DDHD1: variants seen among roughly 807,000 people sequenced by gnomAD.
DDHD1 encodes the protein DDHD domain containing 1.
Under a neutral mutation model 96.4 loss-of-function variants are expected in DDHD1, and 49 were observed. The observed-to-expected ratio is 0.51, with a 90% CI of 0.40 to 0.64. The LOEUF is 0.64. Ranked by LOEUF, DDHD1 falls within the 30% of genes least tolerant of loss-of-function variation. The probability of loss-of-function intolerance (pLI) is 0.00; values close to 1 mark genes in which losing one functional copy is unlikely to be tolerated. For missense variants in DDHD1, 1,106 were observed against 1,161.2 expected (o/e 0.95, Z 0.69); for synonymous variants, 442 against 446.5 (o/e 0.99, Z 0.13).
intron 1 of DDHD1, among the ~76,000 whole-genome samples, chr14:53,134,102 C>T (rs987379278): frequency 6.6e-6 from 1 of 152,120 alleles, no homozygotes; most frequent in African/African-American, 2.4e-5. Context: ...TAGGTCTATT[C>T]GTCCTTACCC....
chr14:53,096,751 T>C (rs1001850712), intron 2 of DDHD1, among the ~76,000 whole-genome samples: 2 of 151,962 alleles, frequency 1.3e-5, no homozygotes, highest in Non-Finnish European at 2.9e-5. Flanking sequence ...AATTCTTTTC[T>C]CAACTCCATT....
intron 2 of DDHD1, among the ~76,000 whole-genome samples, chr14:53,095,266 T>C (rs1167621917): frequency 1.3e-5 from 2 of 152,178 alleles, no homozygotes. Flanking sequence ...AAATATTATC[T>C]CCCATTTTAC....
intron 1 of DDHD1, among the ~76,000 whole-genome samples, chr14:53,150,253 C>G (rs1595280511): frequency 6.6e-6 from 1 of 152,310 alleles, no homozygotes; most frequent in East Asian, 1.9e-4. Context: ...TCATTAAATT[C>G]ATCCTGTAAG....
rs755730498 is a variant in DDHD1, at chr14:53,044,646, A to G, written c.*2122T>C. 1.3e-5 allele frequency: 2 copies of G among 152,250 alleles called. No individual in the cohort carries two copies. The highest frequency in any genetic ancestry group is 2.9e-5 in the Non-Finnish European group (2 of 68,046). 9.4% of individuals were successfully genotyped at this position (152,250 alleles called of 1,614,324 possible). A position where few individuals can be genotyped will look rare whatever the true frequency, so the allele number is the denominator to read the frequency against. On this transcript the variant is annotated 3_prime_UTR_variant, in exon 13 of 13. Transcript: ENST00000673822. ...GGAATCTCTAAGTTAGAGATAATTTAGCTTTGCTAAGATTTCATCAAAAGC... is the reference window on the plus strand; with the variant it reads ...GGAATCTCTAAGTTAGAGATAATTTGGCTTTGCTAAGATTTCATCAAAAGC...
At chr14:53,122,582 G>GTTT (rs56655949) in intron 1 of DDHD1, among the ~76,000 whole-genome samples, 5,935 of 143,778 alleles carry the variant, frequency 0.041, 209 homozygotes, top group Non-Finnish European at 0.056. Context: ...TCTGCTAATA[G>GTTT]TTTTTTTTTT....
intron 2 of DDHD1, chr14:53,096,218 A>G (rs1280414944): frequency 2.0e-6 from 2 of 983,234 alleles, no homozygotes; most frequent in Non-Finnish European, 2.4e-6. Context: ...GTGGTAGACA[A>G]CTAAGAAAGC....
chr14:53,148,159 G>C (rs2139914651), intron 1 of DDHD1, among the ~76,000 whole-genome samples: 1 of 152,238 alleles, frequency 6.6e-6, no homozygotes, highest in South Asian at 2.1e-4. Context: ...GGTGACAGAG[G>C]GGAAAGAAGA....
In DDHD1 at chr14:53,038,457, C is replaced by G. The variant is rs1881417088; in HGVS notation, c.*8311G>C. On this transcript the variant is annotated 3_prime_UTR_variant, in exon 13 of 13. Coordinates refer to ENST00000673822, the MANE Select transcript of DDHD1 (RefSeq NM_001160148.2). ...CTGAAATACTTAAAAATACACCTAA[C>G]CAAGGAGGTGAAAGATCTCTACAAG... The G allele has an allele frequency of 6.6e-6, 1 of 152,024 alleles. No individual in the cohort carries two copies. The highest frequency in any genetic ancestry group is 1.5e-5 in the Non-Finnish European group (1 of 67,988). The allele number at this position is 152,024 out of a possible 1,614,324, so 9.4% of individuals were successfully genotyped here.
intron 12 of DDHD1, among the ~76,000 whole-genome samples, chr14:53,047,611 T>C (rs995278988): frequency 3.3e-5 from 5 of 152,098 alleles, no homozygotes; most frequent in African/African-American, 7.2e-5. Flanking sequence ...GCTGGGAAAG[T>C]TAAACAGGGA....
At position 53,073,787 on chromosome 14, in the gene DDHD1, A is replaced by G. The variant is rs199958557; in HGVS notation, c.1350T>C (p.Val450=). The change falls in exon 5 of 13, where the codon GTT becomes GTC. Residue 450 remains valine (V), a synonymous_variant. Transcript: ENST00000673822. ...ERHFSNHATH[V]EFLPVEWRSK... is the part of the protein sequence containing the mutation. The stretch of plus-strand genomic sequence containing the variant: ...ACCGCCACTCAACAGGCAGAAATTC[A>G]ACATGTGTTGCATGGTTGGAAAAAT... 6.2e-7 allele frequency: 1 copy of G among 1,610,972 alleles called. No homozygotes were observed. The highest frequency in any genetic ancestry group is 1.3e-5 in the African/African-American group (1 of 74,886).
rs1441969672 is a variant in DDHD1, at chr14:53,039,452, A to G, written c.*7316T>C. The stretch of plus-strand genomic sequence containing the variant: ...AAGGTCTGACCTGAGTCATGTACTC[A>G]TCTCTTGACCATGGTACAGACAGTG... On this transcript the variant is annotated 3_prime_UTR_variant, in exon 13 of 13. Coordinates refer to ENST00000673822, the MANE Select transcript of DDHD1 (RefSeq NM_001160148.2). 1 of 152,222 alleles carries G rather than the reference A, an allele frequency of 6.6e-6. No individual in the cohort carries two copies. The highest frequency in any genetic ancestry group is 1.9e-4 in the East Asian group (1 of 5,184). The allele number at this position is 152,222 out of a possible 1,614,324, so 9.4% of individuals were successfully genotyped here.
intron 1 of DDHD1, among the ~76,000 whole-genome samples, chr14:53,117,461 A>G (rs1203365382): frequency 6.6e-6 from 1 of 152,220 alleles, no homozygotes; most frequent in Admixed American, 6.5e-5. Context: ...CTATTCCCAC[A>G]GTCTTAGCAA....
Position 53,128,141 on chromosome 14 carries a change from G to GT in DDHD1, c.838+24119dup, listed in dbSNP as rs1289589931. Among the ~76,000 whole-genome samples the GT allele has an allele frequency of 5.3e-5, 8 of 152,254 alleles. No homozygotes were observed. The East Asian group carries it at 1.5e-3, about 29-fold the overall frequency. ...GTTTGCTTCCCTTTCCACCATGATT[G>GT]TAAGTTTCCTGAGGCCTCCCCAGCC... On this transcript the variant is annotated intron_variant, in intron 1 of 12. Coordinates refer to ENST00000673822, the MANE Select transcript of DDHD1 (RefSeq NM_001160148.2).
intron 1 of DDHD1, among the ~76,000 whole-genome samples, chr14:53,141,100 C>A (rs1196370976): frequency 6.6e-6 from 1 of 152,218 alleles, no homozygotes; most frequent in Non-Finnish European, 1.5e-5. Context: ...TCCAGGCTAA[C>A]TATATCCACA....
intron 11 of DDHD1, chr14:53,053,206 G>C (rs1595086932): frequency 6.6e-6 from 1 of 151,986 alleles, no homozygotes; most frequent in Non-Finnish European, 1.5e-5. Context: ...TCAGCAGTTA[G>C]AGTTTTCTTG....
At chr14:53,081,021 C>A (rs562371651) in intron 4 of DDHD1, among the ~76,000 whole-genome samples, 1 of 152,244 alleles carries the variant, frequency 6.6e-6, no homozygotes, top group Admixed American at 6.5e-5. Context: ...AGTCTATCTT[C>A]ATTTTCAGTA....
At chr14:53,055,941 A>G (rs1883017671) in intron 9 of DDHD1, 29 bp from the exon 10 acceptor site, 2 of 1,580,182 alleles carry the variant, frequency 1.3e-6, no homozygotes, top group South Asian at 2.3e-5. Flanking sequence ...ATTCAAAGAA[A>G]CACAGTGTTA....
chr14:53,058,586 A>C lies in DDHD1; in HGVS notation c.1883T>G (p.Phe628Cys). Reference protein sequence around the residue: ...FFCMGSPLAVFLALRGIRPGN... With the variant: ...FFCMGSPLAVCLALRGIRPGN... ...TGGGCGGATGCCACGCAACGCCAAGAAAACTGCTAATGGGGATCCCATACA... is the reference window on the plus strand; with the variant it reads ...TGGGCGGATGCCACGCAACGCCAAGCAAACTGCTAATGGGGATCCCATACA... Residue 628 changes from phenylalanine to cysteine, a missense_variant, in exon 9 of 13, where the codon TTC becomes TGC. Phe to Cys is a radical substitution (Grantham distance 205, BLOSUM62 -2). This residue lies in a region of DDHD1 where 650 missense variants were observed against 758.8 expected (regional missense o/e 0.86). Coordinates refer to ENST00000673822, the MANE Select transcript of DDHD1 (RefSeq NM_001160148.2). 1 of 1,613,754 alleles carries C rather than the reference A, an allele frequency of 6.2e-7. No individual in the cohort carries two copies. Among genetic ancestry groups the C allele is most frequent in the Non-Finnish European group, 8.5e-7 (1 of 1,179,868 alleles).
chr14:53,052,618 A>T (rs1358087278), intron 11 of DDHD1: 1 of 152,094 alleles, frequency 6.6e-6, no homozygotes, highest in Non-Finnish European at 1.5e-5. Context: ...TATTGAAGCA[A>T]GCCAAATAAT....
Sources: allele counts gnomAD v4.1 joint callset (sites outside exome capture counted in the v4.1 genomes callset), GRCh38; gene constraint gnomAD v4.1.1; regional missense constraint gnomAD v4.1.1; transcripts MANE v1.5; gene names NCBI Gene and HGNC (gene_info 2026-07-23, HGNC 2026-07-21).